TDP2: variants seen among roughly 807,000 people sequenced by gnomAD.
TDP2 encodes the protein 5'-Tyr-DNA phosphodiesterase.
A neutral mutation model predicts 42.8 loss-of-function variants in TDP2; 38 were observed. The observed-to-expected ratio is 0.89, with a 90% CI of 0.68 to 1.16. TDP2 has a LOEUF of 1.16. Ranked by LOEUF, TDP2 falls within the 50% of genes most tolerant of loss-of-function variation. The probability of loss-of-function intolerance (pLI) is 0.00; values close to 1 mark genes in which losing one functional copy is unlikely to be tolerated. For synonymous variants in TDP2, 173 were observed against 150.6 expected, an observed-to-expected ratio of 1.15 and a Z score of -1.09; for missense variants, 439 against 439.3, an observed-to-expected ratio of 1.00 and a Z score of 0.01.
At chr6:24,664,262 T>C (rs1422373075) in intron 2 of TDP2, among the ~76,000 whole-genome samples, 1 of 148,264 alleles carries the variant, frequency 6.7e-6, no homozygotes, top group Non-Finnish European at 1.5e-5. Flanking sequence ...GTCCACACTC[T>C]AAATAACAAG....
chr6:24,659,441 G>C (rs746030127), intron 2 of TDP2, among the ~76,000 whole-genome samples: 2 of 152,144 alleles, frequency 1.3e-5, no homozygotes, highest in South Asian at 4.1e-4. Context: ...CCTTAACCTT[G>C]GCAAAATAAA....
At chr6:24,654,293 G>T (rs570248666) in intron 5 of TDP2, 119 bp downstream of exon 5, 1 of 517,508 alleles carries the variant, frequency 1.9e-6, no homozygotes. Flanking sequence ...CTATCTAAAA[G>T]AATCTACATG....
chr6:24,650,693 C>G lies in TDP2; in HGVS notation c.*95G>C. Reference sequence around the variant, plus strand: ...TAGTTGGTTTTTCTGTGACAATGATCTAGTACATTATTTCCTCCACAGCAA... The same window carrying G: ...TAGTTGGTTTTTCTGTGACAATGATGTAGTACATTATTTCCTCCACAGCAA... On this transcript the variant is annotated 3_prime_UTR_variant, in exon 7 of 7. Coordinates refer to ENST00000378198, the MANE Select transcript of TDP2 (RefSeq NM_016614.3). The G allele has an allele frequency of 1.1e-5, 14 of 1,224,438 alleles. 1 individual carries two copies. In the South Asian group the frequency reaches 1.9e-4, roughly 16 times the overall value. The allele number at this position is 1,224,438 out of a possible 1,614,324, so 75.8% of individuals were successfully genotyped here.
intron 5 of TDP2, among the ~76,000 whole-genome samples, chr6:24,653,690 A>G (rs1360533297): frequency 2.0e-5 from 3 of 152,170 alleles, no homozygotes; most frequent in Non-Finnish European, 4.4e-5. Context: ...AATCAAGTCT[A>G]ATTCTTTCAT....
intron 5 of TDP2, among the ~76,000 whole-genome samples, chr6:24,653,879 A>G (rs1778015991): frequency 6.6e-6 from 1 of 152,166 alleles, no homozygotes; most frequent in East Asian, 1.9e-4. Flanking sequence ...ACTCTTTTTA[A>G]TATGTATGTC....
chr6:24,654,310 G>A, intron 5 of TDP2, 102 bp downstream of exon 5: 3 of 579,718 alleles, frequency 5.2e-6, no homozygotes, highest in Non-Finnish European at 8.8e-6. Flanking sequence ...CATGTGTGAA[G>A]CAAATTTTTC....
intron 4 of TDP2, 47 bp downstream of exon 4, chr6:24,657,765 G>C (rs185969550): frequency 3.0e-5 from 33 of 1,108,592 alleles, no homozygotes; most frequent in Non-Finnish European, 3.8e-5. Context: ...CTCTTTCACT[G>C]ATCTGTTTTT....
At chr6:24,656,238 TC>T (rs1778059319) in intron 4 of TDP2, among the ~76,000 whole-genome samples, 1 of 152,092 alleles carries the variant, frequency 6.6e-6, no homozygotes, top group Non-Finnish European at 1.5e-5. Context: ...AATAATGCTA[TC>T]TAAAAGTCAA....
intron 6 of TDP2, among the ~76,000 whole-genome samples, chr6:24,652,708 CCTTT>C (rs779637357): frequency 9.9e-5 from 15 of 151,316 alleles, no homozygotes; most frequent in Non-Finnish European, 2.2e-4. Context: ...ATTTTCTCTA[CCTTT>C]CTTTCTAATC....
rs776842541 is a variant in TDP2, at chr6:24,654,363, T to C, written c.636+49A>G. On this transcript the variant is annotated intron_variant, in intron 5 of 6. Transcript: ENST00000378198. ...TAAAAAGAATAATAACACAAAACTA[T>C]GAAAAAATCTTTTTTTTATAAAACA... 4.0e-6 allele frequency: 4 copies of C among 1,004,836 alleles called. No homozygotes were observed. The East Asian group carries it at 7.7e-5, about 19-fold the overall frequency. The allele number at this position is 1,004,836 out of a possible 1,614,324, so 62.2% of individuals were successfully genotyped here.
intron 3 of TDP2, among the ~76,000 whole-genome samples, chr6:24,658,247 T>G (rs572988907): frequency 8.5e-4 from 129 of 152,338 alleles, no homozygotes; most frequent in African/African-American, 2.8e-3. Flanking sequence ...TCCAGAGAAC[T>G]TAAGTGATTT....
chr6:24,653,006 C>T lies in TDP2; in HGVS notation c.784G>A (p.Asp262Asn), dbSNP rs1777997900. 2 of 1,613,628 alleles carry T rather than the reference C, an allele frequency of 1.2e-6. No individual in the cohort carries two copies. Among genetic ancestry groups the T allele is most frequent in the South Asian group, 2.2e-5 (2 of 91,088 alleles). Residue 262 changes from aspartate to asparagine, a missense_variant, in exon 6 of 7, where the codon GAT (aspartate) becomes AAT (asparagine). Transcript: ENST00000378198. ...PESATVIFAG[D>N]TNLRDREVTR... is the part of the protein sequence containing the mutation. Reference sequence around the variant, plus strand: ...ACCTCTCGATCCCTTAGATTTGTATCTCCTGCAAATATAACTGTAGCTGAC... The same window carrying T: ...ACCTCTCGATCCCTTAGATTTGTATTTCCTGCAAATATAACTGTAGCTGAC...
Position 24,658,544 on chromosome 6 carries a change from G to T in TDP2, c.425+17C>A, listed in dbSNP as rs768705944. On this transcript the variant is annotated intron_variant, in intron 3 of 6. Transcript: ENST00000378198. ...ACATAAGACACATTACTATTAAATA[G>T]AAGTGATAATACTTACAAAGCTAAG... 1 of 1,592,404 alleles carries T rather than the reference G, an allele frequency of 6.3e-7. No individual in the cohort carries two copies. Among genetic ancestry groups the T allele is most frequent in the Non-Finnish European group, 8.6e-7 (1 of 1,167,820 alleles).
chr6:24,651,153 T>C (rs1430045712), intron 6 of TDP2, 84 bp from the exon 7 acceptor site: 76 of 1,124,958 alleles, frequency 6.8e-5, no homozygotes, highest in Non-Finnish European at 9.2e-5. Context: ...GTGTTTTTGC[T>C]ATTACCGTGC....
At chr6:24,656,505 C>T (rs1336414521) in intron 4 of TDP2, among the ~76,000 whole-genome samples, 1 of 151,908 alleles carries the variant, frequency 6.6e-6, no homozygotes, top group East Asian at 1.9e-4. Context: ...AGGTTTTCCA[C>T]ATATTAAAAT....
At chr6:24,660,440 G>C (rs919773595) in intron 2 of TDP2, among the ~76,000 whole-genome samples, 1 of 152,132 alleles carries the variant, frequency 6.6e-6, no homozygotes, top group African/African-American at 2.4e-5. Flanking sequence ...GATACTGTAG[G>C]CAACTGTAAC....
chr6:24,650,839 T>A lies in TDP2; in HGVS notation c.1038A>T (p.Arg346Ser). The A allele has an allele frequency of 6.2e-7, 1 of 1,614,146 alleles. No homozygotes were observed. The highest frequency in any genetic ancestry group is 8.5e-7 in the Non-Finnish European group (1 of 1,179,996). ...LLGLEKLDCG[R>S]FPSDHWGLLC... ...GAAGACCCCAGTGATCACTAGGAAA[T>A]CTACCACAGTCCAGTTTTTCTAATC... Residue 346 changes from arginine (R) to serine (S), a missense_variant, in exon 7 of 7, where the codon AGA becomes AGT. By Grantham distance (110) the Arg-to-Ser change is moderately radical. Transcript: ENST00000378198.
At chr6:24,657,151 T>C (rs1582422051) in intron 4 of TDP2, among the ~76,000 whole-genome samples, 1 of 152,370 alleles carries the variant, frequency 6.6e-6, no homozygotes, top group African/African-American at 2.4e-5. Flanking sequence ...GTTGGTCCTC[T>C]GTATCTGCAT....
intron 2 of TDP2, among the ~76,000 whole-genome samples, chr6:24,665,530 A>G (rs1250257494): frequency 6.6e-6 from 1 of 152,252 alleles, no homozygotes; most frequent in Non-Finnish European, 1.5e-5. Context: ...CTCCACTATG[A>G]ACAGTCAATT....
Sources: allele counts gnomAD v4.1 joint callset (sites outside exome capture counted in the v4.1 genomes callset), GRCh38; gene constraint gnomAD v4.1.1; transcripts MANE v1.5; gene names NCBI Gene and HGNC (gene_info 2026-07-23, HGNC 2026-07-21).